SYT5: variants seen among roughly 807,000 people sequenced by gnomAD.
SYT5 encodes the protein synaptotagmin-5.
SYT5 carries 29 observed loss-of-function variants against 36.0 expected under a neutral mutation model. That is an observed-to-expected ratio of 0.81 (90% CI 0.60 to 1.10). The LOEUF (loss-of-function observed/expected upper bound fraction) is 1.10. Ranked by LOEUF, SYT5 falls within the 50% of genes least tolerant of loss-of-function variation. The probability of loss-of-function intolerance (pLI) is 0.00; values close to 1 mark genes in which losing one functional copy is unlikely to be tolerated. For synonymous variants in SYT5, 231 were observed against 227.6 expected, an observed-to-expected ratio of 1.02 and a Z score of -0.14; for missense variants, 512 against 516.0, an observed-to-expected ratio of 0.99 and a Z score of 0.08.
At position 55,173,598 on chromosome 19, in the gene SYT5, G is replaced by A. The variant is rs764663643; in HGVS notation, c.1047C>T (p.Ala349=). 1 of 1,482,110 alleles carries A rather than the reference G, an allele frequency of 6.7e-7. No individual in the cohort carries two copies. Among genetic ancestry groups the A allele is most frequent in the Non-Finnish European group, 9.0e-7 (1 of 1,117,042 alleles). 91.8% of individuals were successfully genotyped at this position (1,482,110 alleles called of 1,614,324 possible). Residue 349 remains alanine, a synonymous_variant, in exon 9 of 9, where the codon GCC becomes GCT. Coordinates refer to ENST00000354308, the MANE Select transcript of SYT5 (RefSeq NM_003180.3). This position sits in a 1 kb window ranked among gnomAD's most constrained non-coding sequence, Gnocchi z 5.4. ...CCCAGTGCCGCAGGCCAGCCCCGCC[G>A]GCGGCCGCCCCCACGGCCACCCTCC... ...AIGRVAVGAA[A]GGAGLRHWAD... is the part of the protein sequence containing the mutation.
rs2086028719 is a variant in SYT5, at chr19:55,173,543, T to G, written c.1102A>C (p.Ile368Leu). Residue 368 changes from isoleucine to leucine, a missense_variant, in exon 9 of 9, where the codon ATT becomes CTT. Transcript: ENST00000354308. This position sits in a 1 kb window ranked among gnomAD's most constrained non-coding sequence, Gnocchi z 5.4. ...ADMLANPRRPIAQWHSLRPPD... is the reference protein window; with the variant it reads ...ADMLANPRRPLAQWHSLRPPD... ...GGCCGCAGCGAGTGCCACTGGGCAA[T>G]GGGCCGCCGCGGGTTGGCCAGCATG... The G allele has an allele frequency of 2.1e-6, 3 of 1,413,646 alleles. No individual in the cohort carries two copies. Among genetic ancestry groups the G allele is most frequent in the Non-Finnish European group, 2.8e-6 (3 of 1,083,838 alleles). The allele number at this position is 1,413,646 out of a possible 1,614,324, so 87.6% of individuals were successfully genotyped here. A position where few individuals can be genotyped will look rare whatever the true frequency, so the allele number is the denominator to read the frequency against.
chr19:55,176,904 C>T (rs2086082618), intron 3 of SYT5, among the ~76,000 whole-genome samples: 1 of 152,172 alleles, frequency 6.6e-6, no homozygotes, highest in Non-Finnish European at 1.5e-5. Flanking sequence ...CAGAGAGGGA[C>T]AGTGAGTTCT....
intron 3 of SYT5, chr19:55,177,287 T>C (rs964622005): frequency 6.6e-6 from 1 of 152,312 alleles, no homozygotes; most frequent in African/African-American, 2.4e-5. Context: ...GAGAAATGAC[T>C]CTTTGTTCCC....
chr19:55,173,339 A>G lies in SYT5; in HGVS notation c.*145T>C. On this transcript the variant is annotated 3_prime_UTR_variant, in exon 9 of 9. Coordinates refer to ENST00000354308, the MANE Select transcript of SYT5 (RefSeq NM_003180.3). This position sits in a 1 kb window ranked among gnomAD's most constrained non-coding sequence, Gnocchi z 5.4. ...CATCGTTGGGGGTGAGAAGACAGGA[A>G]TGGTTCAGATGGTTGGGGTGGAAGG... 1.7e-6 allele frequency: 1 copy of G among 576,286 alleles called. No individual in the cohort carries two copies. Among genetic ancestry groups the G allele is most frequent in the Non-Finnish European group, 2.6e-6 (1 of 383,868 alleles). The allele number at this position is 576,286 out of a possible 1,614,324, so 35.7% of individuals were successfully genotyped here.
In SYT5 at chr19:55,173,805, G is replaced by C. The variant is rs1019029408; in HGVS notation, c.961-121C>G. On this transcript the variant is annotated intron_variant, in intron 8 of 8. Transcript: ENST00000354308. This position sits in a 1 kb window ranked among gnomAD's most constrained non-coding sequence, Gnocchi z 5.4. ...CTGCCACCCGAGGGCTCGGGGCCCC[G>C]GAGCTCGGGACGGGGGAGGGGGTGG... The C allele has an allele frequency of 9.1e-7, 1 of 1,097,506 alleles. No individual in the cohort carries two copies. Among genetic ancestry groups the C allele is most frequent in the Non-Finnish European group, 1.2e-6 (1 of 839,932 alleles). 68.0% of individuals were successfully genotyped at this position (1,097,506 alleles called of 1,614,324 possible).
Position 55,175,252 on chromosome 19 carries a change from C to T in SYT5, c.628G>A (p.Val210Met). 6.2e-7 allele frequency: 1 copy of T among 1,608,766 alleles called. No homozygotes were observed. Among genetic ancestry groups the T allele is most frequent in the East Asian group, 2.2e-5 (1 of 44,814 alleles). The change falls in exon 6 of 9, where the codon GTG becomes ATG. Residue 210 changes from valine (V) to methionine (M), a missense_variant. By Grantham distance (21) the Val-to-Met change is conservative (BLOSUM62 1). Coordinates refer to ENST00000354308, the MANE Select transcript of SYT5 (RefSeq NM_003180.3). The surrounding 1 kb of genome is among the most constrained non-coding windows in gnomAD (Gnocchi z 4.5). ...RFSRNDAIGE[V>M]RVPMSSVDLG... ...TCCACGGAGCTCATAGGGACCCGCA[C>T]CTCCCCGATGGCGTCATTGCGAGAG...
At chr19:55,174,046 G>T (rs1196539545) in intron 8 of SYT5, 8 of 253,104 alleles carry the variant, frequency 3.2e-5, no homozygotes, top group Non-Finnish European at 5.2e-5. Flanking sequence ...GTGAGGGGAG[G>T]TCTCTTTTTC....
chr19:55,173,784 C>T lies in SYT5; in HGVS notation c.961-100G>A, dbSNP rs1451833033. The T allele has an allele frequency of 8.0e-7, 1 of 1,243,450 alleles. No homozygotes were observed. The highest frequency in any genetic ancestry group is 3.2e-5 in the East Asian group (1 of 31,556). 77.0% of individuals were successfully genotyped at this position (1,243,450 alleles called of 1,614,324 possible). A position where few individuals can be genotyped will look rare whatever the true frequency, so the allele number is the denominator to read the frequency against. On this transcript the variant is annotated intron_variant, in intron 8 of 8. Transcript: ENST00000354308. This position sits in a 1 kb window ranked among gnomAD's most constrained non-coding sequence, Gnocchi z 5.4. ...CACGGCTGAGGGTACCTCTCGCTGC[C>T]ACCCGAGGGCTCGGGGCCCCGGAGC...
At position 55,175,644 on chromosome 19, in the gene SYT5, GGTCCCTA is replaced by G; in HGVS notation, c.540+58_540+64del. 3.2e-6 allele frequency: 5 copies of G among 1,567,978 alleles called. No individual in the cohort carries two copies. Among genetic ancestry groups the G allele is most frequent in the Non-Finnish European group, 4.3e-6 (5 of 1,151,270 alleles). Reference sequence around the variant, plus strand: ...GCCTCCAGGAAAAGCGGAAGGGGTCGGTCCCTAGTGTTCCAGGGACTGGGCACAGGCT... The same window carrying G: ...GCCTCCAGGAAAAGCGGAAGGGGTCGGTGTTCCAGGGACTGGGCACAGGCT... On this transcript the variant is annotated intron_variant, in intron 5 of 8. Transcript: ENST00000354308. The surrounding 1 kb of genome is among the most constrained non-coding windows in gnomAD (Gnocchi z 4.5).
intron 3 of SYT5, 172 bp from the exon 4 acceptor site, chr19:55,176,296 G>A: frequency 1.2e-6 from 1 of 815,588 alleles, no homozygotes; most frequent in Non-Finnish European, 1.9e-6. Flanking sequence ...AATAGACGTG[G>A]TAACACAGAT....
chr19:55,176,568 C>T (rs1388232191), intron 3 of SYT5, among the ~76,000 whole-genome samples: 1 of 152,202 alleles, frequency 6.6e-6, no homozygotes, highest in Non-Finnish European at 1.5e-5. Context: ...AATGAAAAAG[C>T]AGAAGGTGTC....
intron 3 of SYT5, chr19:55,177,465 T>C (rs1230951488): frequency 1.3e-5 from 2 of 152,248 alleles, no homozygotes; most frequent in Non-Finnish European, 2.9e-5. Context: ...TCTGACCCTC[T>C]GTTTTAAACT....
At position 55,175,217 on chromosome 19, in the gene SYT5, C is replaced by T. The variant is rs777460843; in HGVS notation, c.663G>A (p.Arg221=). The stretch of plus-strand genomic sequence containing the variant: ...GCAGCTCCCGCCAGGCCTGCACTGG[C>T]CGCCCCAGGTCCACGGAGCTCATAG... ...RVPMSSVDLG[R]PVQAWRELQA... is the part of the protein sequence containing the mutation. The change falls in exon 6 of 9, where the codon CGG becomes CGA. Residue 221 remains arginine (R), a synonymous_variant. Coordinates refer to ENST00000354308, the MANE Select transcript of SYT5 (RefSeq NM_003180.3). The surrounding 1 kb of genome is among the most constrained non-coding windows in gnomAD (Gnocchi z 4.5). The T allele has an allele frequency of 6.2e-7, 1 of 1,610,736 alleles. No individual in the cohort carries two copies. Among genetic ancestry groups the T allele is most frequent in the Admixed American group, 1.7e-5 (1 of 59,402 alleles).
At chr19:55,176,984 C>T (rs2086083628) in intron 3 of SYT5, 1 of 152,264 alleles carries the variant, frequency 6.6e-6, no homozygotes, top group Non-Finnish European at 1.5e-5. Context: ...CCCAGGCAAC[C>T]ACTGCACTCT....
chr19:55,175,722 G>T lies in SYT5; in HGVS notation c.527C>A (p.Thr176Asn), dbSNP rs779603284. The change falls in exon 5 of 9, where the codon ACC becomes AAC. Residue 176 changes from threonine (T) to asparagine (N), a missense_variant. Thr to Asn is a moderately conservative substitution (Grantham distance 65). Transcript: ENST00000354308. The surrounding 1 kb of genome is among the most constrained non-coding windows in gnomAD (Gnocchi z 4.5). ...GCAGGAGCTCACCTTGAAGGCGAAG[G>T]TCTCCCCAAAGTGAGGGTTCAGCGT... ...RQTLNPHFGETFAFKVPYVEL... is the reference protein window; with the variant it reads ...RQTLNPHFGENFAFKVPYVEL... 15 of 1,613,632 alleles carry T rather than the reference G, an allele frequency of 9.3e-6. No homozygotes were observed. Among genetic ancestry groups the T allele is most frequent in the South Asian group, 3.3e-5 (3 of 91,066 alleles).
Position 55,173,535 on chromosome 19 carries a change from C to A in SYT5, c.1110G>T (p.Gln370His). The A allele has an allele frequency of 7.0e-7, 1 of 1,420,146 alleles. No individual in the cohort carries two copies. Among genetic ancestry groups the A allele is most frequent in the South Asian group, 1.5e-5 (1 of 65,620 alleles). 88.0% of individuals were successfully genotyped at this position (1,420,146 alleles called of 1,614,324 possible). The change falls in exon 9 of 9, where the codon CAG (glutamine) becomes CAT (histidine). Residue 370 changes from glutamine (Q) to histidine (H), a missense_variant. By Grantham distance (24) the Gln-to-His change is conservative. Transcript: ENST00000354308. The surrounding 1 kb of genome is among the most constrained non-coding windows in gnomAD (Gnocchi z 5.4). Reference sequence around the variant, plus strand: ...GGTCCGGGGGCCGCAGCGAGTGCCACTGGGCAATGGGCCGCCGCGGGTTGG... The same window carrying A: ...GGTCCGGGGGCCGCAGCGAGTGCCAATGGGCAATGGGCCGCCGCGGGTTGG... ...MLANPRRPIA[Q>H]WHSLRPPDRV... is the part of the protein sequence containing the mutation.
At chr19:55,174,785 C>G (rs778095677) in intron 7 of SYT5, 97 bp downstream of exon 7, 17 of 1,571,370 alleles carry the variant, frequency 1.1e-5, no homozygotes, top group Non-Finnish European at 1.5e-5. Flanking sequence ...CCAGGTCCTC[C>G]CTGTCCCCGA....
intron 3 of SYT5, 55 bp downstream of exon 3, chr19:55,178,141 T>G: frequency 4.5e-5 from 70 of 1,564,534 alleles, no homozygotes; most frequent in Non-Finnish European, 5.6e-5. Flanking sequence ...GCTGGGCCAT[T>G]GAGAGGAGCA....
rs1200541134 is a variant in SYT5, at chr19:55,174,872, T to A, written c.826+10A>T. Reference sequence around the variant, plus strand: ...TCCCCACACACCCCACTCCCTTGCTTCCCACACACCTGACAGTCCTCCTAC... The same window carrying A: ...TCCCCACACACCCCACTCCCTTGCTACCCACACACCTGACAGTCCTCCTAC... On this transcript the variant is annotated intron_variant, in intron 7 of 8. Coordinates refer to ENST00000354308, the MANE Select transcript of SYT5 (RefSeq NM_003180.3). 6.2e-6 allele frequency: 10 copies of A among 1,613,482 alleles called. No homozygotes were observed. In the Admixed American group the frequency reaches 1.3e-4, roughly 22 times the overall value.
Sources: gnomAD v4.1 joint callset for allele counts (sites outside exome capture counted in the v4.1 genomes callset) on GRCh38, gnomAD v4.1.1 for gene constraint, Gnocchi (gnomAD v3.1) non-coding constraint, MANE v1.5 for transcripts, NCBI Gene and HGNC (gene_info 2026-07-23, HGNC 2026-07-21) for gene names.